Variants in NDST4 observed in about 807,000 individuals in gnomAD.
NDST4 encodes N-heparan sulfate sulfotransferase 4.
Under a neutral mutation model 100.8 loss-of-function variants are expected in NDST4, and 63 were observed. The observed-to-expected ratio is 0.62, with a 90% CI of 0.51 to 0.77. The LOEUF (loss-of-function observed/expected upper bound fraction) is 0.77. Ranked by LOEUF, NDST4 falls within the 30% of genes least tolerant of loss-of-function variation. The pLI is 0.00. For missense variants in NDST4, 943 were observed against 1,018.4 expected, an observed-to-expected ratio of 0.93 and a Z score of 1.01; for synonymous variants, 377 against 361.8, an observed-to-expected ratio of 1.04 and a Z score of -0.48.
chr4:114,907,556 G>A (rs2126212940), intron 6 of NDST4, among the ~76,000 whole-genome samples: 1 of 152,204 alleles, frequency 6.6e-6, no homozygotes, highest in African/African-American at 2.4e-5. Flanking sequence ...CCACATTGTT[G>A]AAGCAAAAAT....
chr4:115,021,635 C>T (rs946708034), intron 2 of NDST4, among the ~76,000 whole-genome samples: 12 of 146,134 alleles, frequency 8.2e-5, no homozygotes, highest in African/African-American at 2.3e-4. Context: ...ACACGTTCCA[C>T]ATATACACAT....
intron 1 of NDST4, among the ~76,000 whole-genome samples, chr4:115,101,987 A>G (rs1729739454): frequency 6.6e-6 from 1 of 152,024 alleles, no homozygotes; most frequent in Non-Finnish European, 1.5e-5. Context: ...AGAAGAGAAA[A>G]CACAAATCTG....
At chr4:114,929,479 G>T (rs954556083) in intron 6 of NDST4, among the ~76,000 whole-genome samples, 1 of 152,040 alleles carries the variant, frequency 6.6e-6, no homozygotes, top group African/African-American at 2.4e-5. Context: ...ATCTACTCCT[G>T]CTGTGTCTGT....
chr4:115,057,004 C>T (rs566172686), intron 2 of NDST4, among the ~76,000 whole-genome samples: 3 of 152,150 alleles, frequency 2.0e-5, no homozygotes, highest in African/African-American at 7.2e-5. Flanking sequence ...TTTCTTTCTA[C>T]TTCTCTTTCA....
chr4:115,063,676 G>A (rs61383189), intron 2 of NDST4, among the ~76,000 whole-genome samples: 1,911 of 151,638 alleles, frequency 0.013, 46 homozygotes, highest in African/African-American at 0.042. Context: ...AATTTATCTC[G>A]CCACAGAGAA....
At position 114,839,423 on chromosome 4, in the gene NDST4, A is replaced by G. The variant is rs758167088; in HGVS notation, c.2241T>C (p.Tyr747=). 1 of 1,613,792 alleles carries G rather than the reference A, an allele frequency of 6.2e-7. No homozygotes were observed. Among genetic ancestry groups the G allele is most frequent in the Non-Finnish European group, 8.5e-7 (1 of 1,179,786 alleles). Residue 747 remains tyrosine (Y), a synonymous_variant, in exon 11 of 14, where the codon TAT becomes TAC. Transcript: ENST00000264363. ...LQRRCLVPGW[Y]AVHIERWLTY... ...TTAGCCATCTTTCTATGTGGACTGCATACCATCCAGGTACTAGGCATCTTC... is the reference window on the plus strand; with the variant it reads ...TTAGCCATCTTTCTATGTGGACTGCGTACCATCCAGGTACTAGGCATCTTC...
intron 6 of NDST4, among the ~76,000 whole-genome samples, chr4:114,916,536 CTG>C (rs537961796): frequency 0.12 from 15,541 of 128,874 alleles, 635 homozygotes; most frequent in Middle Eastern, 0.18. Context: ...CTGGTAGGCT[CTG>C]TGTGTGTGTG....
chr4:115,100,576 T>A (rs745934394), intron 1 of NDST4, among the ~76,000 whole-genome samples: 17 of 152,096 alleles, frequency 1.1e-4, no homozygotes, highest in Non-Finnish European at 2.2e-4. Context: ...ACATGCACAG[T>A]AGGATACATT....
chr4:114,949,520 T>A (rs957227802), intron 4 of NDST4, among the ~76,000 whole-genome samples: 1 of 152,058 alleles, frequency 6.6e-6, no homozygotes, highest in Admixed American at 6.6e-5. Flanking sequence ...CAGTTTAAGA[T>A]TGCCAAAAGT....
intron 6 of NDST4, among the ~76,000 whole-genome samples, chr4:114,927,206 T>C (rs970812359): frequency 3.6e-5 from 5 of 139,806 alleles, no homozygotes; most frequent in African/African-American, 1.5e-4. Flanking sequence ...GTATTTAAAA[T>C]TAACTTGATT....
At chr4:114,988,435 C>T (rs952722327) in intron 2 of NDST4, among the ~76,000 whole-genome samples, 16 of 130,938 alleles carry the variant, frequency 1.2e-4, no homozygotes, top group Admixed American at 4.5e-4. Flanking sequence ...AATCTTGGCT[C>T]ACTTCAAGCT....
intron 1 of NDST4, among the ~76,000 whole-genome samples, chr4:115,091,116 C>T (rs560808437): frequency 3.3e-5 from 5 of 152,038 alleles, no homozygotes; most frequent in Non-Finnish European, 5.9e-5. Flanking sequence ...AAGAGAGGTA[C>T]AATATCTACA....
chr4:115,081,594 T>A (rs557734880), intron 1 of NDST4, among the ~76,000 whole-genome samples: 2 of 152,182 alleles, frequency 1.3e-5, no homozygotes, highest in South Asian at 4.1e-4. Context: ...AAAAGGCACG[T>A]GTTAAATGAG....
chr4:114,844,446 C>G (rs533453492), intron 10 of NDST4, among the ~76,000 whole-genome samples: 13 of 152,304 alleles, frequency 8.5e-5, no homozygotes, highest in African/African-American at 2.4e-4. Context: ...GGAATTTCTT[C>G]TAGCTCTTTA....
At chr4:114,937,288 C>A (rs754008896) in intron 5 of NDST4, 30 bp downstream of exon 5, 4 of 1,607,628 alleles carry the variant, frequency 2.5e-6, no homozygotes, top group Non-Finnish European at 3.4e-6. Context: ...ATATTAACAT[C>A]CTTCAATATA....
chr4:115,057,001 C>G (rs58982862), intron 2 of NDST4, among the ~76,000 whole-genome samples: 7,547 of 151,998 alleles, frequency 0.05, 462 homozygotes, highest in African/African-American at 0.14. Flanking sequence ...TTTTTTCTTT[C>G]TACTTCTCTT....
intron 2 of NDST4, among the ~76,000 whole-genome samples, chr4:115,005,013 G>T (rs1326160228): frequency 6.6e-6 from 1 of 151,776 alleles, no homozygotes; most frequent in Non-Finnish European, 1.5e-5. Flanking sequence ...TGCTTACATT[G>T]AATTTAATTA....
chr4:114,934,112 TAATA>T (rs1443403931), intron 6 of NDST4, among the ~76,000 whole-genome samples: 2 of 152,174 alleles, frequency 1.3e-5, no homozygotes, highest in South Asian at 2.1e-4. Flanking sequence ...ACACATGAAT[TAATA>T]AATAAAATGT....
At chr4:115,096,102 C>T (rs1336900263) in intron 1 of NDST4, among the ~76,000 whole-genome samples, 1 of 151,602 alleles carries the variant, frequency 6.6e-6, no homozygotes, top group Non-Finnish European at 1.5e-5. Context: ...ATTTTACACT[C>T]TTTTATTTCA....
Sources: allele counts gnomAD v4.1 joint callset (sites outside exome capture counted in the v4.1 genomes callset), GRCh38; gene constraint gnomAD v4.1.1; transcripts MANE v1.5; gene names NCBI Gene and HGNC (gene_info 2026-07-23, HGNC 2026-07-21).